Variants in ADAMTSL1 observed in about 807,000 individuals in gnomAD.
ADAMTSL1 encodes ADAMTS like 1, also known as ADAMTS-like protein 1.
In ADAMTSL1, 126 loss-of-function variants were observed where a neutral mutation model predicts 201.8. The observed-to-expected ratio is 0.62, with a 90% CI of 0.54 to 0.72. ADAMTSL1 has a LOEUF of 0.72. Among genes scored for constraint, ADAMTSL1 ranks in the 30% least tolerant of loss-of-function variants. The probability of loss-of-function intolerance (pLI) is 0.00; values close to 1 mark genes in which losing one functional copy is unlikely to be tolerated. For missense variants in ADAMTSL1, 2,679 were observed against 2,277.8 expected, an observed-to-expected ratio of 1.18 and a Z score of -3.59; for synonymous variants, 1,121 against 903.4, an observed-to-expected ratio of 1.24 and a Z score of -4.32.
At chr9:18,005,935 T>A (rs1819799496) in intron 1 of ADAMTSL1, among the ~76,000 whole-genome samples, 2 of 151,980 alleles carry the variant, frequency 1.3e-5, no homozygotes, top group South Asian at 2.1e-4. Flanking sequence ...CTACCAGTCA[T>A]AAAATCTATC....
In ADAMTSL1 at chr9:18,696,226, A is replaced by G. The variant is rs541556603; in HGVS notation, c.1575-10521A>G. Among the ~76,000 whole-genome samples, 14 of 152,372 alleles carry G rather than the reference A, an allele frequency of 9.2e-5. No homozygotes were observed. In the East Asian group the frequency reaches 2.5e-3, roughly 27 times the overall value. On this transcript the variant is annotated intron_variant, in intron 13 of 28. Transcript: ENST00000380548. ...AGCAAAGCCCTCTTTGAGAAGGGAC[A>G]TATATACTGAGACCTGAAAGATGAG...
intron 15 of ADAMTSL1, among the ~76,000 whole-genome samples, chr9:18,728,102 AAATAAAT>A (rs1292197579): frequency 6.6e-6 from 1 of 150,404 alleles, no homozygotes; most frequent in Non-Finnish European, 1.5e-5. Flanking sequence ...ATAAATAAAT[AAATAAAT>A]AAATAAATAA....
In ADAMTSL1 at chr9:18,681,909, C is replaced by T. The variant is rs1229241372; in HGVS notation, c.1439C>T (p.Pro480Leu). ...HTGGCSPKTK[P>L]HIKEECIVPT... ...GGAGGCTGTAGCCCAAAAACAAAGCCCCACATAAAAGAGGAATGCATCGTA... is the reference window on the plus strand; with the variant it reads ...GGAGGCTGTAGCCCAAAAACAAAGCTCCACATAAAAGAGGAATGCATCGTA... Residue 480 changes from proline to leucine, a missense_variant, in exon 12 of 29, where the codon CCC becomes CTC. Pro to Leu is a moderately conservative substitution (Grantham distance 98). Transcript: ENST00000380548. 6.2e-7 allele frequency: 1 copy of T among 1,614,056 alleles called. No homozygotes were observed. Among genetic ancestry groups the T allele is most frequent in the Non-Finnish European group, 8.5e-7 (1 of 1,180,022 alleles).
chr9:17,916,718 A>G (rs1826109646), intron 1 of ADAMTSL1, among the ~76,000 whole-genome samples: 1 of 152,208 alleles, frequency 6.6e-6, no homozygotes, highest in South Asian at 2.1e-4. Context: ...AGCCTTATAA[A>G]AAGTCCTGAT....
At chr9:18,706,251 G>T (rs1832224032) in intron 13 of ADAMTSL1, among the ~76,000 whole-genome samples, 1 of 152,142 alleles carries the variant, frequency 6.6e-6, no homozygotes. Context: ...CGTGGCACTG[G>T]TGGGAGTGTC....
chr9:18,397,983 A>T (rs1185920216), intron 2 of ADAMTSL1, among the ~76,000 whole-genome samples: 2 of 152,182 alleles, frequency 1.3e-5, no homozygotes, highest in Admixed American at 6.5e-5. Context: ...TAAAGACCCC[A>T]GGAGCAGTAC....
chr9:17,972,185 T>C (rs1818230864), intron 1 of ADAMTSL1, among the ~76,000 whole-genome samples: 1 of 150,474 alleles, frequency 6.6e-6, no homozygotes, highest in African/African-American at 2.4e-5. Flanking sequence ...TATTATACTT[T>C]AAGTTTTAGG....
Position 18,745,514 on chromosome 9 carries a change from C to T in ADAMTSL1, c.2007-7784C>T, listed in dbSNP as rs1003654792. ...TTTATTCTCCCAATTCCTGCCCAGACGTCAGCTATTTCTACAGAAATTGAT... is the reference window on the plus strand; with the variant it reads ...TTTATTCTCCCAATTCCTGCCCAGATGTCAGCTATTTCTACAGAAATTGAT... On this transcript the variant is annotated intron_variant, in intron 15 of 28. Coordinates refer to ENST00000380548, the MANE Select transcript of ADAMTSL1 (RefSeq NM_001040272.6). 9.2e-5 allele frequency among the ~76,000 whole-genome samples: 14 copies of T among 152,234 alleles called. No homozygotes were observed. In the South Asian group the frequency reaches 2.1e-3, roughly 23 times the overall value.
At chr9:18,375,560 C>T (rs1443269289) in intron 2 of ADAMTSL1, among the ~76,000 whole-genome samples, 1 of 152,140 alleles carries the variant, frequency 6.6e-6, no homozygotes, top group Non-Finnish European at 1.5e-5. Context: ...AGTATGACTC[C>T]TCCTTCTGTG....
At chr9:18,522,438 A>G (rs553255809) in intron 2 of ADAMTSL1, among the ~76,000 whole-genome samples, 1 of 151,860 alleles carries the variant, frequency 6.6e-6, no homozygotes, top group South Asian at 2.1e-4. Flanking sequence ...GGAATGTAGA[A>G]TTTTTATTTT....
chr9:18,314,071 T>C (rs1364176890), intron 2 of ADAMTSL1, among the ~76,000 whole-genome samples: 1 of 152,120 alleles, frequency 6.6e-6, no homozygotes, highest in East Asian at 1.9e-4. Context: ...CCAACAGGTA[T>C]GTGAGAAGAT....
At chr9:18,287,585 GTATA>G (rs1220554173) in intron 2 of ADAMTSL1, among the ~76,000 whole-genome samples, 1 of 139,908 alleles carries the variant, frequency 7.1e-6, no homozygotes, top group South Asian at 2.1e-4. Flanking sequence ...AAATATATGT[GTATA>G]TATACACACA....
At chr9:18,211,176 C>T (rs944313338) in intron 2 of ADAMTSL1, among the ~76,000 whole-genome samples, 13 of 152,118 alleles carry the variant, frequency 8.5e-5, no homozygotes, top group African/African-American at 1.4e-4. Context: ...AATACACAGT[C>T]GCCAGTTTTC....
intron 13 of ADAMTSL1, among the ~76,000 whole-genome samples, chr9:18,685,215 G>A (rs548144566): frequency 6.6e-6 from 1 of 152,330 alleles, no homozygotes; most frequent in Admixed American, 6.5e-5. Context: ...ATACCTGAGG[G>A]CAAAGGAAGT....
chr9:18,890,465 G>T (rs577252677), intron 25 of ADAMTSL1: 14 of 455,670 alleles, frequency 3.1e-5, no homozygotes, highest in South Asian at 2.2e-4. Context: ...AGAGCCTGGG[G>T]GGATGTGGCT....
In ADAMTSL1 at chr9:18,777,282, G is replaced by C; in HGVS notation, c.3053G>C (p.Gly1018Ala). Residue 1018 changes from glycine to alanine, a missense_variant, in exon 19 of 29, where the codon GGG (glycine) becomes GCG (alanine). Physicochemically the swap from Gly to Ala is moderately conservative, Grantham distance 60 (BLOSUM62 0). Transcript: ENST00000380548. ...AEKRGLAANP[G>A]SRYDDLVSRL... ...AAGCGGGGCCTGGCCGCCAACCCGGGGAGCCGCTACGACGACCTCGTCTCC... is the reference window on the plus strand; with the variant it reads ...AAGCGGGGCCTGGCCGCCAACCCGGCGAGCCGCTACGACGACCTCGTCTCC... 1 of 1,608,848 alleles carries C rather than the reference G, an allele frequency of 6.2e-7. No homozygotes were observed. The highest frequency in any genetic ancestry group is 8.5e-7 in the Non-Finnish European group (1 of 1,178,038).
At chr9:18,593,425 A>AT (rs1554711664) in intron 4 of ADAMTSL1, among the ~76,000 whole-genome samples, 1 of 151,284 alleles carries the variant, frequency 6.6e-6, no homozygotes, top group Non-Finnish European at 1.5e-5. Context: ...TCTGATCTTT[A>AT]TTTTTTTACA....
intron 2 of ADAMTSL1, among the ~76,000 whole-genome samples, chr9:18,172,365 A>G (rs1451229629): frequency 6.6e-6 from 1 of 152,138 alleles, no homozygotes; most frequent in Non-Finnish European, 1.5e-5. Context: ...TGGATGGCTA[A>G]TACACATGAA....
intron 1 of ADAMTSL1, among the ~76,000 whole-genome samples, chr9:18,494,938 A>G (rs902523656): frequency 6.6e-6 from 1 of 152,186 alleles, no homozygotes; most frequent in African/African-American, 2.4e-5. Flanking sequence ...GATAACTGGG[A>G]ATGATGAAGA....
Sources: allele counts gnomAD v4.1 joint callset (sites outside exome capture counted in the v4.1 genomes callset), GRCh38; gene constraint gnomAD v4.1.1; transcripts MANE v1.5; gene names NCBI Gene and HGNC (gene_info 2026-07-23, HGNC 2026-07-21).